Variants in COPG1 observed in about 807,000 individuals in gnomAD.
COPG1 encodes coatomer subunit gamma-1.
A neutral mutation model predicts 102.8 loss-of-function variants in COPG1; 29 were observed. The ratio of observed to expected loss-of-function variants is 0.28; its 90% CI spans 0.21 to 0.38. COPG1 has a LOEUF of 0.38. Ranked by LOEUF, COPG1 falls within the 10% of genes least tolerant of loss-of-function variation. The pLI, the probability that COPG1 is intolerant of heterozygous loss-of-function variation, is 1.00. For missense variants in COPG1, 875 were observed against 1,132.7 expected (o/e 0.77, Z 3.27); for synonymous variants, 406 against 421.6 (o/e 0.96, Z 0.45).
At chr3:129,251,371 TTATATA>T (rs58203832) in intron 2 of COPG1, among the ~76,000 whole-genome samples, 10 of 146,666 alleles carry the variant, frequency 6.8e-5, no homozygotes, top group African/African-American at 2.5e-4. Context: ...TATATATTTT[TTATATA>T]TATATATATA....
At chr3:129,265,860 C>T (rs927566480) in intron 14 of COPG1, 68 bp downstream of exon 14, 2 of 1,522,270 alleles carry the variant, frequency 1.3e-6, no homozygotes, top group African/African-American at 1.4e-5. Flanking sequence ...AGCAAAGGGA[C>T]CTGAGCCTCC....
At position 129,250,992 on chromosome 3, in the gene COPG1, C is replaced by T. The variant is rs191025028; in HGVS notation, c.90+258C>T. On this transcript the variant is annotated intron_variant, in intron 2 of 23. Coordinates refer to ENST00000314797, the MANE Select transcript of COPG1 (RefSeq NM_016128.4). Reference sequence around the variant, plus strand: ...AGGCTGGAGTGCAGTGGCGTGATCTCGGCTCACTGCAAGCTCCGCCTTCCA... The same window carrying T: ...AGGCTGGAGTGCAGTGGCGTGATCTTGGCTCACTGCAAGCTCCGCCTTCCA... 4.5e-4 allele frequency: 155 copies of T among 346,160 alleles called. 1 individual carries two copies. Among genetic ancestry groups the T allele is most frequent in the Admixed American group, 1.3e-3 (30 of 23,198 alleles). The allele number at this position is 346,160 out of a possible 1,614,324, so 21.4% of individuals were successfully genotyped here.
intron 2 of COPG1, among the ~76,000 whole-genome samples, chr3:129,251,201 G>T (rs1199464317): frequency 6.6e-6 from 1 of 151,266 alleles, no homozygotes; most frequent in Non-Finnish European, 1.5e-5. Flanking sequence ...GGGATTACAG[G>T]CTTGAGCCAC....
intron 2 of COPG1, among the ~76,000 whole-genome samples, chr3:129,251,509 A>C (rs1426468685): frequency 1.3e-5 from 2 of 151,662 alleles, no homozygotes; most frequent in Middle Eastern, 3.4e-3. Context: ...CAGCCTCCCA[A>C]GTAGCCGGGA....
In COPG1 at chr3:129,265,629, G is replaced by C. The variant is rs1018634991; in HGVS notation, c.1305G>C (p.Gly435=). The change falls in exon 14 of 24, where the codon GGG becomes GGC. Residue 435 remains glycine, a synonymous_variant. Transcript: ENST00000314797. ...IEENSESKET[G]LSHLCEFIED... ...AGAACTCAGAGAGCAAGGAGACAGG[G>C]CTGTCACATCTGTGCGAGTTCATCG... The C allele has an allele frequency of 2.5e-6, 4 of 1,614,194 alleles. No homozygotes were observed. In the East Asian group the frequency reaches 8.9e-5, roughly 36 times the overall value.
At chr3:129,274,642 G>T (rs1165968120) in intron 21 of COPG1, among the ~76,000 whole-genome samples, 196 bp from the exon 22 acceptor site, 4 of 152,194 alleles carry the variant, frequency 2.6e-5, no homozygotes, top group African/African-American at 7.2e-5. Flanking sequence ...TTCTGTTGAA[G>T]GGATACCATT....
intron 16 of COPG1, 37 bp downstream of exon 16, chr3:129,268,077 T>C: frequency 6.6e-7 from 1 of 1,510,800 alleles, no homozygotes; most frequent in South Asian, 1.1e-5. Context: ...CTCAGCACCT[T>C]ACTGGAGCTG....
Position 129,275,624 on chromosome 3 carries a change from TTTGC to T in COPG1, c.2494+335_2494+338del, listed in dbSNP as rs2107680323. ...AAATGGTATATATATTGTCCTCCGA[TTTGC>T]TTTTCACTTTACATTGCATCTTAGA... On this transcript the variant is annotated intron_variant, in intron 23 of 23. Transcript: ENST00000314797. This position sits in a 1 kb window ranked among gnomAD's most constrained non-coding sequence, Gnocchi z 5.0. Among the ~76,000 whole-genome samples the T allele has an allele frequency of 6.6e-6, 1 of 152,328 alleles. No individual in the cohort carries two copies. The highest frequency in any genetic ancestry group is 1.5e-5 in the Non-Finnish European group (1 of 68,032).
At position 129,250,674 on chromosome 3, in the gene COPG1, G is replaced by C. The variant is rs1939675300; in HGVS notation, c.38-8G>C. On this transcript the variant is annotated splice_polypyrimidine_tract_variant and splice_region_variant and intron_variant, in intron 1 of 23. Transcript: ENST00000314797. ...ACAACCTACCTTCTCCATTGTCCTT[G>C]ACCGTAGGTGGAGGCTCCAACCCAT... The C allele has an allele frequency of 6.2e-7, 1 of 1,613,560 alleles. No individual in the cohort carries two copies. Among genetic ancestry groups the C allele is most frequent in the Non-Finnish European group, 8.5e-7 (1 of 1,179,658 alleles).
At position 129,275,150 on chromosome 3, in the gene COPG1, G is replaced by A. The variant is rs189912496; in HGVS notation, c.2396-44G>A. ...CATGGGGGAGTGGTGGTGGCACAAA[G>A]GGCAGATAAGATGGCTTAACAATAT... On this transcript the variant is annotated intron_variant, in intron 22 of 23. Coordinates refer to ENST00000314797, the MANE Select transcript of COPG1 (RefSeq NM_016128.4). This position sits in a 1 kb window ranked among gnomAD's most constrained non-coding sequence, Gnocchi z 5.0. The A allele has an allele frequency of 6.3e-7, 1 of 1,574,952 alleles. No homozygotes were observed. The highest frequency in any genetic ancestry group is 1.7e-5 in the Admixed American group (1 of 59,894).
At position 129,252,618 on chromosome 3, in the gene COPG1, C is replaced by A; in HGVS notation, c.172-5C>A. On this transcript the variant is annotated splice_region_variant and splice_polypyrimidine_tract_variant and intron_variant, in intron 3 of 23. Transcript: ENST00000314797. Reference sequence around the variant, plus strand: ...AAGCTGAGACTTCTTTCTTGATTAACACAGGGGGAGCACCTGGGGACCACG... The same window carrying A: ...AAGCTGAGACTTCTTTCTTGATTAAAACAGGGGGAGCACCTGGGGACCACG... 1 of 1,613,182 alleles carries A rather than the reference C, an allele frequency of 6.2e-7. No individual in the cohort carries two copies. Among genetic ancestry groups the A allele is most frequent in the African/African-American group, 1.3e-5 (1 of 75,030 alleles).
At chr3:129,268,896 G>A (rs768090451) in intron 17 of COPG1, 36 bp from the exon 18 acceptor site, 1 of 1,584,706 alleles carries the variant, frequency 6.3e-7, no homozygotes, top group Non-Finnish European at 8.7e-7. Flanking sequence ...CGTGACTCCA[G>A]CTGTTGGTCA....
rs375319623 is a variant in COPG1 at position 129,257,755 on chromosome 3, G to A, written c.766G>A (p.Glu256Lys). The A allele has an allele frequency of 6.2e-6, 10 of 1,614,000 alleles. No individual in the cohort carries two copies. The highest frequency in any genetic ancestry group is 1.1e-5 in the South Asian group (1 of 91,068). ...TGACAGCCCACTGTTTGACTTCATC[G>A]AGAGCTGCTTGCGCAACAAGCACGA... ...SRDSPLFDFI[E>K]SCLRNKHEMV... Residue 256 changes from glutamate to lysine, a missense_variant, in exon 10 of 24, where the codon GAG becomes AAG. Glu to Lys is a moderately conservative substitution (Grantham distance 56). Transcript: ENST00000314797.
In COPG1 at chr3:129,260,385, T is replaced by G; in HGVS notation, c.924T>G (p.Val308=). The part of the protein sequence containing the change: ...SPKAALRYAA[V]RTLNKVAMKH... ...AGGCTGCTCTCCGCTATGCTGCTGT[T>G]CGTACCCTCAATAAGGTAAGAGTCC... The change falls in exon 11 of 24, where the codon GTT becomes GTG. Residue 308 remains valine, a synonymous_variant. Coordinates refer to ENST00000314797, the MANE Select transcript of COPG1 (RefSeq NM_016128.4). The G allele has an allele frequency of 1.9e-6, 3 of 1,614,174 alleles. No homozygotes were observed.
Position 129,275,734 on chromosome 3 carries a change from G to A in COPG1, c.2494+442G>A, listed in dbSNP as rs1940259816. Among the ~76,000 whole-genome samples, 2 of 151,954 alleles carry A rather than the reference G, an allele frequency of 1.3e-5. No individual in the cohort carries two copies. The highest frequency in any genetic ancestry group is 2.1e-4 in the South Asian group (1 of 4,816). On this transcript the variant is annotated intron_variant, in intron 23 of 23. Coordinates refer to ENST00000314797, the MANE Select transcript of COPG1 (RefSeq NM_016128.4). The surrounding 1 kb of genome is among the most constrained non-coding windows in gnomAD (Gnocchi z 5.0). ...AAATATACATAAAATTCACCATTTC[G>A]ACCATTTTCAAGTGTATGGTTCAGC...
chr3:129,267,065 G>A lies in COPG1; in HGVS notation c.1510G>A (p.Glu504Lys), dbSNP rs779339694. The change falls in exon 15 of 24, where the codon GAG becomes AAG. Residue 504 changes from glutamate to lysine, a missense_variant. Coordinates refer to ENST00000314797, the MANE Select transcript of COPG1 (RefSeq NM_016128.4). The stretch of plus-strand genomic sequence containing the variant: ...GGCGAAGTTTGGAGCCCAGAATGAA[G>A]AGATGTTACCCAGTATCTTGGTGTT... ...ALAKFGAQNE[E>K]MLPSILVLLK... 8 of 1,613,898 alleles carry A rather than the reference G, an allele frequency of 5.0e-6. No homozygotes were observed. Among genetic ancestry groups the A allele is most frequent in the Non-Finnish European group, 5.9e-6 (7 of 1,179,872 alleles).
Position 129,271,645 on chromosome 3 carries a change from C to A in COPG1, c.1844-122C>A. On this transcript the variant is annotated intron_variant, in intron 18 of 23. Transcript: ENST00000314797. This position sits in a 1 kb window ranked among gnomAD's most constrained non-coding sequence, Gnocchi z 4.7. ...AATAATGAGTAGCCAGTTGGGTAAA[C>A]ATATCTATCCATCTAAGGTAGGGTG... 8.5e-7 allele frequency: 1 copy of A among 1,182,448 alleles called. No individual in the cohort carries two copies. Among genetic ancestry groups the A allele is most frequent in the Non-Finnish European group, 1.2e-6 (1 of 833,384 alleles). The allele number at this position is 1,182,448 out of a possible 1,614,324, so 73.2% of individuals were successfully genotyped here. A position where few individuals can be genotyped will look rare whatever the true frequency, so the allele number is the denominator to read the frequency against.
intron 12 of COPG1, among the ~76,000 whole-genome samples, chr3:129,262,689 C>G (rs1161274014): frequency 6.6e-6 from 1 of 151,054 alleles, no homozygotes; most frequent in Non-Finnish European, 1.5e-5. Context: ...TGCCACTGCA[C>G]TCCAGCCTGG....
At position 129,272,006 on chromosome 3, in the gene COPG1, T is replaced by G; in HGVS notation, c.1986+97T>G. 6.5e-6 allele frequency: 9 copies of G among 1,381,490 alleles called. No individual in the cohort carries two copies. In the South Asian group the frequency reaches 1.2e-4, roughly 19 times the overall value. The allele number at this position is 1,381,490 out of a possible 1,614,324, so 85.6% of individuals were successfully genotyped here. A position where few individuals can be genotyped will look rare whatever the true frequency, so the allele number is the denominator to read the frequency against. Reference sequence around the variant, plus strand: ...AGGGTCATGGGTCCCCACACTGCATTGGTTGGGAGCCCAACTTGATGACAG... The same window carrying G: ...AGGGTCATGGGTCCCCACACTGCATGGGTTGGGAGCCCAACTTGATGACAG... On this transcript the variant is annotated intron_variant, in intron 19 of 23. Transcript: ENST00000314797.
Sources: gnomAD v4.1 joint callset for allele counts (sites outside exome capture counted in the v4.1 genomes callset) on GRCh38, gnomAD v4.1.1 for gene constraint, Gnocchi (gnomAD v3.1) non-coding constraint, MANE v1.5 for transcripts, NCBI Gene and HGNC (gene_info 2026-07-23, HGNC 2026-07-21) for gene names.